The following TSHZ2 variants were observed in gnomAD, a reference collection of about 807,000 sequenced individuals.
TSHZ2 encodes the protein teashirt homolog 2.
Under a neutral mutation model 74.4 loss-of-function variants are expected in TSHZ2, and 21 were observed. The observed-to-expected ratio is 0.28, with a 90% CI of 0.20 to 0.41. The LOEUF (loss-of-function observed/expected upper bound fraction) is 0.41, where lower values mean the gene tolerates loss of function less well. TSHZ2 is among the 10% of genes least tolerant of loss of function. TSHZ2 has a pLI of 1.00. For synonymous variants in TSHZ2, 540 were observed against 515.3 expected (o/e 1.05, Z -0.65); for missense variants, 1,244 against 1,293.5 (o/e 0.96, Z 0.59).
intron 2 of TSHZ2, among the ~76,000 whole-genome samples, chr20:53,394,060 T>A (rs1982356824): frequency 6.6e-6 from 1 of 152,234 alleles, no homozygotes; most frequent in Non-Finnish European, 1.5e-5. Flanking sequence ...AGAAAAGCCA[T>A]GTCACTGAAT....
At chr20:53,054,738 C>G (rs1290112559) in intron 1 of TSHZ2, among the ~76,000 whole-genome samples, 3 of 152,132 alleles carry the variant, frequency 2.0e-5, no homozygotes, top group Non-Finnish European at 4.4e-5. Flanking sequence ...TTGACATCCT[C>G]CTTTTTTTCT....
intron 2 of TSHZ2, among the ~76,000 whole-genome samples, chr20:53,452,687 G>T (rs1238150962): frequency 6.6e-6 from 1 of 151,866 alleles, no homozygotes; most frequent in African/African-American, 2.4e-5. Context: ...GCAAAATGGG[G>T]TTATATATCA....
intron 1 of TSHZ2, among the ~76,000 whole-genome samples, chr20:53,216,924 C>G (rs998900705): frequency 6.6e-6 from 1 of 152,174 alleles, no homozygotes; most frequent in African/African-American, 2.4e-5. Context: ...CCGGAGAATT[C>G]CGTGCAGGGC....
intron 1 of TSHZ2, among the ~76,000 whole-genome samples, chr20:53,122,832 TTGG>T (rs1986848985): frequency 1.3e-5 from 2 of 152,214 alleles, no homozygotes; most frequent in Admixed American, 6.5e-5. Flanking sequence ...TCATCTAGAA[TTGG>T]TGGGGGACAG....
chr20:53,447,633 C>A (rs1240761038), intron 2 of TSHZ2, among the ~76,000 whole-genome samples: 1 of 152,214 alleles, frequency 6.6e-6, no homozygotes, highest in Admixed American at 6.5e-5. Flanking sequence ...CCCTTTCCAT[C>A]TGTGACTGTC....
chr20:53,456,454 T>C lies in TSHZ2; in HGVS notation c.*9-30690T>C, dbSNP rs1421944567. On this transcript the variant is annotated intron_variant, in intron 2 of 2. Transcript: ENST00000371497. ...TTGAGTTCATTGTAGATTCTGGATA[T>C]TAGCCCTTTGTCAGATGAGTAGGTT... 7.9e-3 allele frequency among the ~76,000 whole-genome samples: 1,112 copies of C among 141,574 alleles called. 16 individuals are homozygous for C. The highest frequency in any genetic ancestry group is 0.029 in the African/African-American group (1,063 of 37,120). 92.9% of individuals were successfully genotyped at this position (141,574 alleles called of 152,430 possible).
intron 2 of TSHZ2, among the ~76,000 whole-genome samples, chr20:53,288,014 C>T (rs1407360519): frequency 6.6e-6 from 1 of 152,062 alleles, no homozygotes; most frequent in Admixed American, 6.5e-5. Context: ...ATTCCATTAT[C>T]GGGAGGCTGG....
At chr20:53,182,250 A>T (rs8124830) in intron 1 of TSHZ2, among the ~76,000 whole-genome samples, 3 of 73,790 alleles carry the variant, frequency 4.1e-5, no homozygotes, top group Admixed American at 1.5e-4. Context: ...CCTTCCTTCT[A>T]TCATTTTTTC....
chr20:53,223,293 A>G (rs532858036), intron 1 of TSHZ2, among the ~76,000 whole-genome samples: 4 of 152,302 alleles, frequency 2.6e-5, no homozygotes, highest in Admixed American at 2.6e-4. Context: ...AAACGTATAT[A>G]GTTATTTCAG....
Position 53,470,563 on chromosome 20 carries a change from C to A in TSHZ2, c.*9-16581C>A, listed in dbSNP as rs548570181. On this transcript the variant is annotated intron_variant, in intron 2 of 2. Transcript: ENST00000371497. ...GGGCGCGGTGGCTCATGCCTGTAAT[C>A]CCAGTACTTTGGGAGGCCGGGGTGG... 2.0e-5 allele frequency among the ~76,000 whole-genome samples: 3 copies of A among 152,228 alleles called. 1 individual carries two copies. In the South Asian group the frequency reaches 6.2e-4, roughly 32 times the overall value.
intron 2 of TSHZ2, among the ~76,000 whole-genome samples, chr20:53,296,155 G>T (rs531677943): frequency 9.5e-4 from 143 of 151,212 alleles, no homozygotes; most frequent in African/African-American, 3.4e-3. Flanking sequence ...TTTTAATGGT[G>T]TGCTTCCTTC....
chr20:53,347,825 T>C (rs1256035379), intron 2 of TSHZ2, among the ~76,000 whole-genome samples: 2 of 152,206 alleles, frequency 1.3e-5, no homozygotes, highest in Admixed American at 1.3e-4. Flanking sequence ...AAAATATACA[T>C]AACATAAAAT....
At chr20:53,135,007 G>GACACACACACACACACACACACAC (rs139347142) in intron 1 of TSHZ2, among the ~76,000 whole-genome samples, 1 of 148,604 alleles carries the variant, frequency 6.7e-6, no homozygotes, top group African/African-American at 2.5e-5. Context: ...TGCACATGCA[G>GACACACACACACACACACACACAC]ACACACACAC....
chr20:53,005,355 G>T (rs1982604887), intron 1 of TSHZ2, among the ~76,000 whole-genome samples: 1 of 152,130 alleles, frequency 6.6e-6, no homozygotes, highest in Non-Finnish European at 1.5e-5. Flanking sequence ...CCAGGTTTGA[G>T]CTGAACTATT....
intron 2 of TSHZ2, among the ~76,000 whole-genome samples, chr20:53,292,639 G>T (rs1250728860): frequency 6.6e-6 from 1 of 151,792 alleles, no homozygotes; most frequent in East Asian, 1.9e-4. Flanking sequence ...TTGTAGAGAT[G>T]GGGTCTCACT....
intron 1 of TSHZ2, among the ~76,000 whole-genome samples, chr20:53,163,417 A>T (rs1469963684): frequency 1.6e-5 from 2 of 121,218 alleles, no homozygotes. Context: ...GTGCCACAGT[A>T]GCTCAAGAAG....
intron 1 of TSHZ2, among the ~76,000 whole-genome samples, chr20:53,175,039 A>G (rs1988294823): frequency 6.6e-6 from 1 of 151,186 alleles, no homozygotes; most frequent in Admixed American, 6.6e-5. Flanking sequence ...GGCTTTTAGA[A>G]TGAGACGTAA....
intron 1 of TSHZ2, among the ~76,000 whole-genome samples, chr20:52,985,555 T>A (rs1362749277): frequency 4.6e-5 from 7 of 152,208 alleles, no homozygotes; most frequent in Non-Finnish European, 1.0e-4. Context: ...CTTCAAATGG[T>A]GCTTTGCATA....
intron 1 of TSHZ2, among the ~76,000 whole-genome samples, chr20:53,059,620 T>C (rs1984755516): frequency 6.6e-6 from 1 of 152,204 alleles, no homozygotes; most frequent in African/African-American, 2.4e-5. Context: ...AATGAAAATG[T>C]TTTAGTGTGA....
Sources: allele counts gnomAD v4.1 joint callset (sites outside exome capture counted in the v4.1 genomes callset), GRCh38; gene constraint gnomAD v4.1.1; transcripts MANE v1.5; gene names NCBI Gene and HGNC (gene_info 2026-07-23, HGNC 2026-07-21).